Variants in GGPS1 observed in about 807,000 individuals in gnomAD.
GGPS1 encodes the protein geranylgeranyl diphosphate synthase 1.
In GGPS1, 15 loss-of-function variants were observed where a neutral mutation model predicts 28.1. The ratio of observed to expected loss-of-function variants is 0.53; its 90% CI spans 0.36 to 0.82. The LOEUF is 0.82. Among genes scored for constraint, GGPS1 ranks in the 40% least tolerant of loss-of-function variants. GGPS1 has a pLI of 0.01. For synonymous variants in GGPS1, 138 were observed against 122.4 expected (o/e 1.13, Z -0.84); for missense variants, 284 against 348.3 (o/e 0.82, Z 1.47).
chr1:235,340,045 T>C (rs1161249779), intron 2 of GGPS1, among the ~76,000 whole-genome samples: 1 of 151,910 alleles, frequency 6.6e-6, no homozygotes, highest in African/African-American at 2.4e-5. Flanking sequence ...GGCAGGAGAA[T>C]AGCTTGATCT....
chr1:235,328,350 A>C (rs899118442), upstream of GGPS1: 13 of 152,120 alleles, frequency 8.5e-5, no homozygotes, highest in African/African-American at 3.1e-4. Context: ...GGATACAAAC[A>C]ACGACGCCAT....
chr1:235,338,617 C>T (rs1675936215), intron 2 of GGPS1, among the ~76,000 whole-genome samples: 1 of 152,110 alleles, frequency 6.6e-6, no homozygotes, highest in Middle Eastern at 3.2e-3. Flanking sequence ...GACTTATTAT[C>T]CCAGCACTTT....
chr1:235,336,417 T>C (rs1675866602), intron 2 of GGPS1, among the ~76,000 whole-genome samples: 1 of 152,064 alleles, frequency 6.6e-6, no homozygotes, highest in African/African-American at 2.4e-5. Context: ...TGTCTGGAAA[T>C]GATAATAAGC....
chr1:235,334,786 G>A (rs1675818124), intron 1 of GGPS1, among the ~76,000 whole-genome samples: 1 of 152,130 alleles, frequency 6.6e-6, no homozygotes, highest in African/African-American at 2.4e-5. Flanking sequence ...CGCCCAGGCT[G>A]GAGTGCAGTG....
At chr1:235,328,512 G>A (rs1675525082), upstream of GGPS1, 1 of 152,534 alleles carries the variant, frequency 6.6e-6, no homozygotes, top group Non-Finnish European at 1.5e-5. Flanking sequence ...CGGGGGCGGG[G>A]GGGAGGTGAA....
At position 235,335,277 on chromosome 1, in the gene GGPS1, CAAG is replaced by C. The variant is rs1247908523; in HGVS notation, c.16_18del (p.Glu6del). ...AAGTTTAAATCCAATGGAGAAGACT[CAAG>C]AAACAGTCCAAAGAATTCTTCTAGA... is the stretch of plus-strand genomic sequence containing the variant. On this transcript the variant is annotated inframe_deletion, in exon 2 of 4. Transcript: ENST00000282841. 1 of 1,540,532 alleles carries C rather than the reference CAAG, an allele frequency of 6.5e-7. No homozygotes were observed. Among genetic ancestry groups the C allele is most frequent in the Admixed American group, 1.7e-5 (1 of 58,662 alleles).
rs1243559618 is a variant in GGPS1 at position 235,341,754 on chromosome 1, G to C, written c.117G>C (p.Leu39=). ...TKLSQAFNHW[L]KVPEDKLQII... ...TTTCACAGGCATTTAATCATTGGCT[G>C]AAAGTTCCAGAGGACAAGCTACAGG... The change falls in exon 3 of 4, where the codon CTG becomes CTC. Residue 39 remains leucine (L), a synonymous_variant. Transcript: ENST00000282841. 6.3e-7 allele frequency: 1 copy of C among 1,599,264 alleles called. No homozygotes were observed. The highest frequency in any genetic ancestry group is 8.6e-7 in the Non-Finnish European group (1 of 1,166,522).
intron 1 of GGPS1, among the ~76,000 whole-genome samples, chr1:235,333,699 A>G (rs899952025): frequency 2.6e-5 from 4 of 152,202 alleles, no homozygotes; most frequent in African/African-American, 9.6e-5. Flanking sequence ...ATCTTCTGGC[A>G]TACTGAGATA....
In GGPS1 at chr1:235,342,910, C is replaced by T. The variant is rs1676097312; in HGVS notation, c.*138C>T. ...TGAGTAGGGGTGGTGCAAGTGAATT[C>T]GTTTTCATTTAGAAGCCCCTCTGTA... is the stretch of plus-strand genomic sequence containing the variant. On this transcript the variant is annotated 3_prime_UTR_variant, in exon 4 of 4. Coordinates refer to ENST00000282841, the MANE Select transcript of GGPS1 (RefSeq NM_004837.4). The T allele has an allele frequency of 2.0e-5, 12 of 599,066 alleles. No homozygotes were observed. The highest frequency in any genetic ancestry group is 1.4e-4 in the East Asian group (5 of 35,060). The allele number at this position is 599,066 out of a possible 1,614,324, so 37.1% of individuals were successfully genotyped here. A position where few individuals can be genotyped will look rare whatever the true frequency, so the allele number is the denominator to read the frequency against.
At chr1:235,337,373 G>A (rs1675903160) in intron 2 of GGPS1, among the ~76,000 whole-genome samples, 1 of 151,932 alleles carries the variant, frequency 6.6e-6, no homozygotes, top group Non-Finnish European at 1.5e-5. Flanking sequence ...AATGTTTTAA[G>A]ACATTAGATA....
At position 235,340,735 on chromosome 1, in the gene GGPS1, CAAAAAA is replaced by C. The variant is rs1165162184; in HGVS notation, c.71-955_71-950del. Among the ~76,000 whole-genome samples the C allele has an allele frequency of 2.2e-4, 11 of 50,996 alleles. No individual in the cohort carries two copies. In the East Asian group the frequency reaches 5.4e-3, roughly 25 times the overall value. The allele number at this position is 50,996 out of a possible 152,430, so 33.5% of individuals were successfully genotyped here. A position where few individuals can be genotyped will look rare whatever the true frequency, so the allele number is the denominator to read the frequency against. On this transcript the variant is annotated intron_variant, in intron 2 of 3. Transcript: ENST00000282841. ...TGGGCGACAGAGCGAGACTCCGTCT[CAAAAAA>C]AAAAAAAAAAAAAAAAACAAGAAAG...
At position 235,341,701 on chromosome 1, in the gene GGPS1, A is replaced by G; in HGVS notation, c.71-7A>G. ...TCACATTGTCACATTTTATTTTTAA[A>G]TTGCAGGTAAACAAGTGAGAACCAA... is the stretch of plus-strand genomic sequence containing the variant. On this transcript the variant is annotated splice_polypyrimidine_tract_variant and splice_region_variant and intron_variant, in intron 2 of 3. Transcript: ENST00000282841. 1 of 1,492,140 alleles carries G rather than the reference A, an allele frequency of 6.7e-7. No homozygotes were observed. Among genetic ancestry groups the G allele is most frequent in the Non-Finnish European group, 9.3e-7 (1 of 1,070,982 alleles). The allele number at this position is 1,492,140 out of a possible 1,614,324, so 92.4% of individuals were successfully genotyped here.
chr1:235,342,842 C>A lies in GGPS1; in HGVS notation c.*70C>A. 1.8e-6 allele frequency: 2 copies of A among 1,097,392 alleles called. No homozygotes were observed. Among genetic ancestry groups the A allele is most frequent in the Non-Finnish European group, 2.6e-6 (2 of 763,836 alleles). 68.0% of individuals were successfully genotyped at this position (1,097,392 alleles called of 1,614,324 possible). A position where few individuals can be genotyped will look rare whatever the true frequency, so the allele number is the denominator to read the frequency against. On this transcript the variant is annotated 3_prime_UTR_variant, in exon 4 of 4. Coordinates refer to ENST00000282841, the MANE Select transcript of GGPS1 (RefSeq NM_004837.4). The stretch of plus-strand genomic sequence containing the variant: ...TCTTTTTTTTGTCTTTTAGCCTTAC[C>A]ACCTTTTAAAAAATTTGTTATTCTC...
At chr1:235,337,845 G>A (rs372404924) in intron 2 of GGPS1, among the ~76,000 whole-genome samples, 3 of 151,234 alleles carry the variant, frequency 2.0e-5, no homozygotes, top group African/African-American at 7.3e-5. Context: ...TCTGAAATTA[G>A]TAAAGAAAAT....
At chr1:235,328,328 C>T (rs1235483285), upstream of GGPS1, 2 of 152,236 alleles carry the variant, frequency 1.3e-5, no homozygotes, top group Non-Finnish European at 2.9e-5. Context: ...TACACTGTTC[C>T]TATTGGTCCC....
chr1:235,342,372 A>G lies in GGPS1; in HGVS notation c.503A>G (p.Asp168Gly). ...LAVGLMQLFS[D>G]YKEDLKPLLN... ...GTAGGTCTCATGCAGTTGTTCTCTG[A>G]TTACAAAGAAGATTTAAAACCGCTA... The change falls in exon 4 of 4, where the codon GAT (aspartate) becomes GGT (glycine). Residue 168 changes from aspartate (D) to glycine (G), a missense_variant. Physicochemically the swap from Asp to Gly is moderately conservative, Grantham distance 94. Coordinates refer to ENST00000282841, the MANE Select transcript of GGPS1 (RefSeq NM_004837.4). 6.2e-7 allele frequency: 1 copy of G among 1,614,112 alleles called. No homozygotes were observed. Among genetic ancestry groups the G allele is most frequent in the Non-Finnish European group, 8.5e-7 (1 of 1,179,932 alleles).
At position 235,343,348 on chromosome 1, in the gene GGPS1, G is replaced by A. The variant is rs1322195393; in HGVS notation, c.*576G>A. On this transcript the variant is annotated 3_prime_UTR_variant, in exon 4 of 4. Coordinates refer to ENST00000282841, the MANE Select transcript of GGPS1 (RefSeq NM_004837.4). ...AGGCGGGCAGATCACGAGGTCAGGA[G>A]ATCGAGACCATCCTGACACGGTGAA... The A allele has an allele frequency of 1.3e-5, 2 of 159,964 alleles. No homozygotes were observed. Among genetic ancestry groups the A allele is most frequent in the African/African-American group, 4.8e-5 (2 of 41,452 alleles). The allele number at this position is 159,964 out of a possible 1,614,324, so 9.9% of individuals were successfully genotyped here. A position where few individuals can be genotyped will look rare whatever the true frequency, so the allele number is the denominator to read the frequency against.
At chr1:235,335,365 C>T (rs1405054960) in intron 2 of GGPS1, 31 bp downstream of exon 2, 1 of 967,570 alleles carries the variant, frequency 1.0e-6, no homozygotes. Flanking sequence ...CATATAGGGT[C>T]ATTTTCATGC....
chr1:235,335,326 A>G lies in GGPS1; in HGVS notation c.62A>G (p.Gln21Arg). Residue 21 changes from glutamine (Q) to arginine (R), a missense_variant, in exon 2 of 4, where the codon CAG becomes CGG. By Grantham distance (43) the Gln-to-Arg change is conservative. Transcript: ENST00000282841. The part of the protein sequence containing the change: ...ILLEPYKYLL[Q>R]LPGKQVRTKL... ...CTAGAACCCTATAAATACTTACTTC[A>G]GTTACCAGGTAATACTTCACTTACA... 6.8e-7 allele frequency: 1 copy of G among 1,477,342 alleles called. No homozygotes were observed. Among genetic ancestry groups the G allele is most frequent in the Non-Finnish European group, 9.5e-7 (1 of 1,057,794 alleles). 91.5% of individuals were successfully genotyped at this position (1,477,342 alleles called of 1,614,324 possible).
Sources: gnomAD v4.1 joint callset for allele counts (sites outside exome capture counted in the v4.1 genomes callset) on GRCh38, gnomAD v4.1.1 for gene constraint, MANE v1.5 for transcripts, NCBI Gene and HGNC (gene_info 2026-07-23, HGNC 2026-07-21) for gene names.